Variants in BCHE observed in about 807,000 individuals in gnomAD.
BCHE encodes the protein cholinesterase.
In BCHE, 48 loss-of-function variants were observed where a neutral mutation model predicts 51.3. That is an observed-to-expected ratio of 0.94 (90% CI 0.74 to 1.19). BCHE has a LOEUF of 1.19. Among genes scored for constraint, BCHE ranks in the 50% most tolerant of loss-of-function variants. The pLI is 0.00. For missense variants in BCHE, 847 were observed against 708.2 expected (o/e 1.20, Z -2.23); for synonymous variants, 251 against 238.0 (o/e 1.05, Z -0.50).
At chr3:165,776,044 A>G (rs1374274134) in intron 3 of BCHE, among the ~76,000 whole-genome samples, 1 of 151,928 alleles carries the variant, frequency 6.6e-6, no homozygotes, top group African/African-American at 2.4e-5. Flanking sequence ...AGCAATATTC[A>G]TGATTAAAAA....
intron 2 of BCHE, among the ~76,000 whole-genome samples, chr3:165,797,340 C>CCTCCTTCCTCCCTCCCTCT (rs1713455136): frequency 9.9e-6 from 1 of 100,888 alleles, no homozygotes; most frequent in African/African-American, 4.1e-5. Context: ...TCCCTCCCTC[C>CCTCCTTCCTCCCTCCCTCT]CTCCAGTCTC....
intron 2 of BCHE, among the ~76,000 whole-genome samples, chr3:165,826,592 T>A (rs1714730988): frequency 6.6e-6 from 1 of 152,158 alleles, no homozygotes; most frequent in Non-Finnish European, 1.5e-5. Flanking sequence ...AATTTACTGA[T>A]CTTTATGTTT....
intron 2 of BCHE, among the ~76,000 whole-genome samples, chr3:165,796,349 A>C (rs1295462511): frequency 6.6e-6 from 1 of 152,166 alleles, no homozygotes; most frequent in Non-Finnish European, 1.5e-5. Flanking sequence ...AACACACACA[A>C]AAATGTAAAA....
At chr3:165,826,486 G>A (rs2108232113) in intron 2 of BCHE, among the ~76,000 whole-genome samples, 1 of 152,180 alleles carries the variant, frequency 6.6e-6, no homozygotes, top group South Asian at 2.1e-4. Context: ...CTGGACATGG[G>A]GAGTAAGATG....
At chr3:165,778,927 T>C (rs1209349863) in intron 3 of BCHE, among the ~76,000 whole-genome samples, 1 of 152,144 alleles carries the variant, frequency 6.6e-6, no homozygotes, top group Non-Finnish European at 1.5e-5. Context: ...TTTTTTTCTC[T>C]TTCCATTTTT....
intron 1 of BCHE, among the ~76,000 whole-genome samples, chr3:165,833,528 A>G (rs917528844): frequency 1.3e-5 from 2 of 152,190 alleles, no homozygotes; most frequent in East Asian, 3.8e-4. Flanking sequence ...CTATATTATA[A>G]TTGTATAAGA....
rs73026279 is a variant in BCHE, at chr3:165,788,971, C to T, written c.1518-2660G>A. Among the ~76,000 whole-genome samples, 987 of 152,228 alleles carry T rather than the reference C, an allele frequency of 6.5e-3. 12 individuals are homozygous for T. Among genetic ancestry groups the T allele is most frequent in the African/African-American group, 0.022 (935 of 41,556 alleles). On this transcript the variant is annotated intron_variant, in intron 2 of 3. Transcript: ENST00000264381. ...AAAATAACAAGAGAGACAATTCTGTCTGTATCAATTAAAAGCTTTGTGAAA... is the reference window on the plus strand; with the variant it reads ...AAAATAACAAGAGAGACAATTCTGTTTGTATCAATTAAAAGCTTTGTGAAA...
At chr3:165,789,848 TA>T (rs1713100926) in intron 2 of BCHE, among the ~76,000 whole-genome samples, 5 of 152,170 alleles carry the variant, frequency 3.3e-5, no homozygotes, top group African/African-American at 1.2e-4. Context: ...ACCATATTTA[TA>T]AAGTGTGTAC....
rs111537711 is a variant in BCHE, at chr3:165,790,191, C to A, written c.1518-3880G>T. Among the ~76,000 whole-genome samples, 270 of 152,206 alleles carry A rather than the reference C, an allele frequency of 1.8e-3. 3 individuals carry two copies. Among genetic ancestry groups the A allele is most frequent in the Middle Eastern group, 6.8e-3 (2 of 294 alleles). On this transcript the variant is annotated intron_variant, in intron 2 of 3. Transcript: ENST00000264381. ...TTTAGCCATGTGATATCATACTGAC[C>A]TCCATGGAGGGGAAGGAGCTGAAGA...
chr3:165,791,934 G>A (rs1374242875), intron 2 of BCHE, among the ~76,000 whole-genome samples: 4 of 121,398 alleles, frequency 3.3e-5, no homozygotes, highest in Non-Finnish European at 5.0e-5. Flanking sequence ...GTGACGGAGC[G>A]AGGCTCCATC....
At chr3:165,773,595 C>G in intron 3 of BCHE, 89 bp from the exon 4 acceptor site, 5 of 1,110,582 alleles carry the variant, frequency 4.5e-6, no homozygotes, top group Non-Finnish European at 6.7e-6. Flanking sequence ...GCCATTTTCT[C>G]TAACTACACA....
intron 1 of BCHE, among the ~76,000 whole-genome samples, chr3:165,833,192 T>C (rs1449924709): frequency 6.6e-6 from 1 of 152,142 alleles, no homozygotes. Context: ...AAATATATTT[T>C]TAGCAGCATT....
chr3:165,814,420 G>T (rs1649408297), intron 2 of BCHE, among the ~76,000 whole-genome samples: 1 of 152,096 alleles, frequency 6.6e-6, no homozygotes, highest in Admixed American at 6.6e-5. Flanking sequence ...GGTTAAAGGA[G>T]AAGGCAAGTT....
At chr3:165,808,671 A>G in intron 2 of BCHE, among the ~76,000 whole-genome samples, 1 of 152,212 alleles carries the variant, frequency 6.6e-6, no homozygotes. Context: ...CAGCACTTTG[A>G]GAGGATTGTT....
chr3:165,776,849 A>T (rs1356433169), intron 3 of BCHE, among the ~76,000 whole-genome samples: 1 of 151,792 alleles, frequency 6.6e-6, no homozygotes, highest in Non-Finnish European at 1.5e-5. Context: ...CAATGATCAT[A>T]CTATATAATA....
chr3:165,811,497 A>G (rs1001325266), intron 2 of BCHE, among the ~76,000 whole-genome samples: 9 of 152,036 alleles, frequency 5.9e-5, no homozygotes, highest in African/African-American at 1.9e-4. Flanking sequence ...TTTAAACATA[A>G]GGGAGGTTTT....
intron 2 of BCHE, among the ~76,000 whole-genome samples, chr3:165,802,289 A>G (rs1470539132): frequency 6.6e-6 from 1 of 152,196 alleles, no homozygotes; most frequent in African/African-American, 2.4e-5. Context: ...TTGTCAAACA[A>G]TTTGTCATAT....
At chr3:165,819,356 G>A (rs1714430254) in intron 2 of BCHE, among the ~76,000 whole-genome samples, 1 of 151,902 alleles carries the variant, frequency 6.6e-6, no homozygotes. Flanking sequence ...GGGATTACAG[G>A]CATGAGCCAC....
At position 165,829,498 on chromosome 3, in the gene BCHE, G is replaced by A; in HGVS notation, c.1517+19C>T. ...GGATCAAACCAAGCCAGAGAACAAT[G>A]ACAAAAATCAGCACTTACCCATATT... On this transcript the variant is annotated intron_variant, in intron 2 of 3. Coordinates refer to ENST00000264381, the MANE Select transcript of BCHE (RefSeq NM_000055.4). 6.3e-7 allele frequency: 1 copy of A among 1,598,586 alleles called. No individual in the cohort carries two copies. Among genetic ancestry groups the A allele is most frequent in the Non-Finnish European group, 8.6e-7 (1 of 1,166,238 alleles).
Sources: allele counts gnomAD v4.1 joint callset (sites outside exome capture counted in the v4.1 genomes callset), GRCh38; gene constraint gnomAD v4.1.1; transcripts MANE v1.5; gene names NCBI Gene and HGNC (gene_info 2026-07-23, HGNC 2026-07-21).